Variants in MRAS observed in about 807,000 individuals in gnomAD.
MRAS encodes ras-related protein M-Ras.
In MRAS, 4 loss-of-function variants were observed where a neutral mutation model predicts 20.9. The observed-to-expected ratio is 0.19, with a 90% CI of 0.09 to 0.44. The LOEUF (loss-of-function observed/expected upper bound fraction) is 0.44, where lower values mean the gene tolerates loss of function less well. Ranked by LOEUF, MRAS falls within the 20% of genes least tolerant of loss-of-function variation. The pLI is 0.99. For synonymous variants in MRAS, 98 were observed against 102.9 expected (o/e 0.95, Z 0.29); for missense variants, 154 against 277.5 (o/e 0.56, Z 3.16).
rs1236201426 is a variant in MRAS at position 138,397,464 on chromosome 3, CGCGTCAAAGACAGGTGA to C, written c.337_347+6del. 1.9e-6 allele frequency: 3 copies of C among 1,614,074 alleles called. No individual in the cohort carries two copies. The highest frequency in any genetic ancestry group is 1.1e-5 in the South Asian group (1 of 91,076). ...GGACCGCTTCCACCAGCTTATCCTG[CGCGTCAAAGACAGGTGA>C]GCATCAAAGACAGGTGAGAGTACCG... is the stretch of plus-strand genomic sequence containing the variant. On this transcript the variant is annotated splice_donor_variant and splice_donor_region_variant and coding_sequence_variant and intron_variant, in exon 3 of 6. Coordinates refer to ENST00000423968, the MANE Select transcript of MRAS (RefSeq NM_001085049.3). LOFTEE classifies it high-confidence loss of function.
At chr3:138,361,033 T>G (rs2054436018) in intron 1 of MRAS, among the ~76,000 whole-genome samples, 1 of 152,316 alleles carries the variant, frequency 6.6e-6, no homozygotes, top group East Asian at 1.9e-4. Flanking sequence ...GTGAAGCGTC[T>G]TGAGTCATCA....
At chr3:138,381,008 C>A (rs376688153) in intron 2 of MRAS, among the ~76,000 whole-genome samples, 1 of 150,216 alleles carries the variant, frequency 6.7e-6, no homozygotes, top group Non-Finnish European at 1.5e-5. Context: ...CTCTTGACCT[C>A]GTGATCCACC....
chr3:138,368,461 C>T (rs1339722504), intron 1 of MRAS, among the ~76,000 whole-genome samples: 1 of 152,144 alleles, frequency 6.6e-6, no homozygotes, highest in Non-Finnish European at 1.5e-5. Flanking sequence ...ACCCACTTTA[C>T]TAATAAGATA....
chr3:138,373,100 C>T, intron 2 of MRAS, 24 bp downstream of exon 2: 2 of 1,425,710 alleles, frequency 1.4e-6, no homozygotes, highest in South Asian at 1.7e-5. Context: ...GGCAGCCCTG[C>T]ATTGGGTGGG....
intron 2 of MRAS, among the ~76,000 whole-genome samples, chr3:138,392,721 C>G (rs1403837113): frequency 6.6e-6 from 1 of 152,088 alleles, no homozygotes; most frequent in Non-Finnish European, 1.5e-5. Context: ...TTCATCCTCT[C>G]TGTCATTTTG....
intron 1 of MRAS, among the ~76,000 whole-genome samples, chr3:138,353,832 G>A (rs1297353346): frequency 1.3e-5 from 2 of 152,178 alleles, no homozygotes; most frequent in Admixed American, 6.5e-5. Flanking sequence ...TGTGGAAACC[G>A]AGGCTCAAGG....
intron 2 of MRAS, among the ~76,000 whole-genome samples, chr3:138,377,217 C>A (rs1047647185): frequency 3.9e-5 from 6 of 152,128 alleles, no homozygotes; most frequent in African/African-American, 1.4e-4. Context: ...AGAGTCAGGC[C>A]CGATTTAGGG....
chr3:138,368,900 G>C (rs182754123), intron 1 of MRAS, among the ~76,000 whole-genome samples: 15 of 152,166 alleles, frequency 9.9e-5, no homozygotes, highest in African/African-American at 3.1e-4. Flanking sequence ...CAGGGTTTTG[G>C]GGGGGGCCGG....
intron 2 of MRAS, among the ~76,000 whole-genome samples, chr3:138,391,853 T>C (rs1489824687): frequency 6.6e-6 from 1 of 152,212 alleles, no homozygotes; most frequent in East Asian, 1.9e-4. Context: ...AAAATGCTTG[T>C]TCATGGCCAG....
intron 5 of MRAS, 112 bp from the exon 6 acceptor site, chr3:138,402,058 C>A: frequency 9.9e-7 from 1 of 1,006,234 alleles, no homozygotes; most frequent in Non-Finnish European, 1.5e-6. Context: ...CACCCACTAA[C>A]CCCGCCAGAA....
At chr3:138,388,759 G>T (rs1358495658) in intron 2 of MRAS, among the ~76,000 whole-genome samples, 1 of 152,096 alleles carries the variant, frequency 6.6e-6, no homozygotes. Flanking sequence ...GCCCTTAGAG[G>T]CATATTATCT....
At position 138,402,796 on chromosome 3, in the gene MRAS, A is replaced by G. The variant is rs1251841634; in HGVS notation, c.*527A>G. On this transcript the variant is annotated 3_prime_UTR_variant, in exon 6 of 6. Transcript: ENST00000423968. ...GTGTTCAGCAGACCTCTCTGGTAAC[A>G]TATCTGGAATATTGTTGTTGTTTTT... The G allele has an allele frequency of 2.6e-5, 4 of 152,760 alleles. No individual in the cohort carries two copies. Among genetic ancestry groups the G allele is most frequent in the South Asian group, 4.1e-4 (2 of 4,820 alleles). 9.5% of individuals were successfully genotyped at this position (152,760 alleles called of 1,614,324 possible). A position where few individuals can be genotyped will look rare whatever the true frequency, so the allele number is the denominator to read the frequency against.
intron 1 of MRAS, among the ~76,000 whole-genome samples, chr3:138,358,228 T>G (rs1253249153): frequency 1.3e-5 from 2 of 152,086 alleles, no homozygotes; most frequent in African/African-American, 4.8e-5. Flanking sequence ...TAACAGCTAC[T>G]TGGAAGGCTG....
chr3:138,350,942 C>CAAAA (rs66738068), intron 1 of MRAS, among the ~76,000 whole-genome samples: 3 of 68,014 alleles, frequency 4.4e-5, no homozygotes, highest in African/African-American at 1.6e-4. Context: ...GACCCTGTCT[C>CAAAA]AAAAAAAAAA....
chr3:138,352,945 G>A (rs568604902), intron 1 of MRAS, among the ~76,000 whole-genome samples: 73 of 152,186 alleles, frequency 4.8e-4, no homozygotes, highest in African/African-American at 1.5e-3. Context: ...AAATATACAC[G>A]TGAAAATACG....
At chr3:138,349,042 GT>G (rs908738758) in intron 1 of MRAS, 1 of 148,956 alleles carries the variant, frequency 6.7e-6, no homozygotes, top group African/African-American at 2.5e-5. Flanking sequence ...GGTAATTACA[GT>G]TCCTTGGCTG....
At chr3:138,363,249 GA>G (rs1049034723) in intron 1 of MRAS, among the ~76,000 whole-genome samples, 1 of 151,900 alleles carries the variant, frequency 6.6e-6, no homozygotes, top group African/African-American at 2.4e-5. Context: ...TTTTATTAGA[GA>G]CAAGGTTTCA....
chr3:138,403,592 T>C lies in MRAS; in HGVS notation c.*1323T>C, dbSNP rs1317206432. The C allele has an allele frequency of 6.6e-6, 1 of 152,634 alleles. No individual in the cohort carries two copies. The highest frequency in any genetic ancestry group is 1.5e-5 in the Non-Finnish European group (1 of 68,050). 9.5% of individuals were successfully genotyped at this position (152,634 alleles called of 1,614,324 possible). ...TGATGTGTGGCTCTCATATACCTTCTGCAAGGGGGCAGTCTCCCCAGCTCC... is the reference window on the plus strand; with the variant it reads ...TGATGTGTGGCTCTCATATACCTTCCGCAAGGGGGCAGTCTCCCCAGCTCC... On this transcript the variant is annotated 3_prime_UTR_variant, in exon 6 of 6. Transcript: ENST00000423968.
At chr3:138,367,695 T>A (rs1369100888) in intron 1 of MRAS, among the ~76,000 whole-genome samples, 1 of 152,166 alleles carries the variant, frequency 6.6e-6, no homozygotes, top group Non-Finnish European at 1.5e-5. Flanking sequence ...GAGACTGAGC[T>A]TCCCATGTGT....
Sources: gnomAD v4.1 joint callset for allele counts (sites outside exome capture counted in the v4.1 genomes callset) on GRCh38, gnomAD v4.1.1 for gene constraint, MANE v1.5 for transcripts, NCBI Gene and HGNC (gene_info 2026-07-23, HGNC 2026-07-21) for gene names.